The following IRAK2 variants were observed in gnomAD, a reference collection of about 807,000 sequenced individuals.
The protein encoded by IRAK2 is interleukin-1 receptor-associated kinase-like 2.
A neutral mutation model predicts 72.0 loss-of-function variants in IRAK2; 57 were observed. That is an observed-to-expected ratio of 0.79 (90% CI 0.64 to 0.99). The LOEUF is 0.99. IRAK2 is among the 50% of genes least tolerant of loss of function. The probability of loss-of-function intolerance (pLI) is 0.00; values close to 1 mark genes in which losing one functional copy is unlikely to be tolerated. For missense variants in IRAK2, 790 were observed against 794.4 expected, an observed-to-expected ratio of 0.99 and a Z score of 0.07; for synonymous variants, 293 against 312.7, an observed-to-expected ratio of 0.94 and a Z score of 0.67.
At chr3:10,165,512 T>A (rs765386092) in intron 1 of IRAK2, among the ~76,000 whole-genome samples, 22 of 151,958 alleles carry the variant, frequency 1.4e-4, no homozygotes, top group Non-Finnish European at 2.1e-4. Flanking sequence ...ATATATATAT[T>A]GAAACGGAGT....
Position 10,213,503 on chromosome 3 carries a change from G to T in IRAK2, c.743G>T (p.Gly248Val), listed in dbSNP as rs1394901675. The change falls in exon 6 of 13, where the codon GGA becomes GTA. Residue 248 changes from glycine to valine, a missense_variant. Physicochemically the swap from Gly to Val is moderately radical, Grantham distance 109 (BLOSUM62 -3). Transcript: ENST00000256458. The part of the protein sequence containing the change: ...KLRETACSSP[G>V]SIERFFQAEL... ...CTACAGACAGCCTGTTCAAGTCCAGGATCAATCGAAAGATTCTTCCAGGCA... is the reference window on the plus strand; with the variant it reads ...CTACAGACAGCCTGTTCAAGTCCAGTATCAATCGAAAGATTCTTCCAGGCA... 6.2e-7 allele frequency: 1 copy of T among 1,613,982 alleles called. No individual in the cohort carries two copies. The highest frequency in any genetic ancestry group is 1.3e-5 in the African/African-American group (1 of 74,882).
chr3:10,168,749 C>A (rs1185529693), intron 1 of IRAK2, among the ~76,000 whole-genome samples: 1 of 152,200 alleles, frequency 6.6e-6, no homozygotes, highest in African/African-American at 2.4e-5. Context: ...GCCTCTCTGA[C>A]CTCCTCTTCT....
At chr3:10,226,499 A>G in intron 10 of IRAK2, 66 bp downstream of exon 10, 1 of 1,304,324 alleles carries the variant, frequency 7.7e-7, no homozygotes, top group Non-Finnish European at 1.1e-6. Flanking sequence ...AGAGAGGGCA[A>G]CGACCTCAAT....
Position 10,209,603 on chromosome 3 carries a change from A to G in IRAK2, c.439A>G (p.Arg147Gly), listed in dbSNP as rs1169742342. ...TFPGPGSSPA[R>G]AHQPAFLQPP... Reference sequence around the variant, plus strand: ...CTCCTTTCCAGGGTCCTCTCCAGCCAGAGCCCACCAGCCGGCCTTTCTCCA... The same window carrying G: ...CTCCTTTCCAGGGTCCTCTCCAGCCGGAGCCCACCAGCCGGCCTTTCTCCA... The change falls in exon 4 of 13, where the codon AGA (arginine) becomes GGA (glycine). Residue 147 changes from arginine (R) to glycine (G), a missense_variant. By Grantham distance (125) the Arg-to-Gly change is moderately radical. Coordinates refer to ENST00000256458, the MANE Select transcript of IRAK2 (RefSeq NM_001570.4). 6.4e-6 allele frequency: 10 copies of G among 1,562,776 alleles called. No individual in the cohort carries two copies. Among genetic ancestry groups the G allele is most frequent in the Admixed American group, 4.0e-5 (2 of 49,738 alleles).
chr3:10,175,347 G>A (rs932598781), intron 1 of IRAK2, among the ~76,000 whole-genome samples: 5 of 151,808 alleles, frequency 3.3e-5, no homozygotes, highest in Admixed American at 6.6e-5. Flanking sequence ...GGCTAGTATC[G>A]AACTCCTGAC....
At chr3:10,218,431 A>C (rs538304623) in intron 7 of IRAK2, among the ~76,000 whole-genome samples, 43 of 130,228 alleles carry the variant, frequency 3.3e-4, no homozygotes, top group African/African-American at 1.2e-3. Flanking sequence ...CTCAAAAAAA[A>C]AAAAAAAAAA....
chr3:10,232,091 C>A (rs886743127), intron 10 of IRAK2, among the ~76,000 whole-genome samples: 2 of 152,182 alleles, frequency 1.3e-5, no homozygotes, highest in Non-Finnish European at 2.9e-5. Context: ...CGTGCCACTG[C>A]ACTACAGCCT....
chr3:10,224,192 C>T (rs779379925), intron 9 of IRAK2, among the ~76,000 whole-genome samples: 2 of 152,056 alleles, frequency 1.3e-5, no homozygotes, highest in Non-Finnish European at 2.9e-5. Context: ...CAAAAATTAG[C>T]TGAGTGTGGT....
chr3:10,192,062 T>TG (rs1697184267), intron 2 of IRAK2, among the ~76,000 whole-genome samples: 2 of 107,372 alleles, frequency 1.9e-5, no homozygotes, highest in African/African-American at 7.9e-5. Context: ...GTGTGTGTGT[T>TG]GTGTGTTGTG....
chr3:10,216,845 G>A, intron 6 of IRAK2, 89 bp from the exon 7 acceptor site: 3 of 955,766 alleles, frequency 3.1e-6, no homozygotes, highest in African/African-American at 3.2e-5. Flanking sequence ...GGCGTTGGAG[G>A]AGGAGAGGGC....
Position 10,213,487 on chromosome 3 carries a change from G to C in IRAK2, c.727G>C (p.Ala243Pro). 1 of 1,613,934 alleles carries C rather than the reference G, an allele frequency of 6.2e-7. No individual in the cohort carries two copies. The change falls in exon 6 of 13, where the codon GCC becomes CCC. Residue 243 changes from alanine to proline, a missense_variant. Transcript: ENST00000256458. ...GTTCTGATGTCTTTCTCTACAGACA[G>C]CCTGTTCAAGTCCAGGATCAATCGA... is the stretch of plus-strand genomic sequence containing the variant. The part of the protein sequence containing the change: ...PFVFKKLRET[A>P]CSSPGSIERF...
At chr3:10,210,587 T>TA (rs1370605233) in intron 4 of IRAK2, among the ~76,000 whole-genome samples, 1 of 152,082 alleles carries the variant, frequency 6.6e-6, no homozygotes, top group Non-Finnish European at 1.5e-5. Context: ...TGAGTGTGGT[T>TA]AATGAAGCTC....
intron 2 of IRAK2, among the ~76,000 whole-genome samples, chr3:10,192,122 G>A (rs1023193727): frequency 3.3e-5 from 5 of 152,064 alleles, no homozygotes; most frequent in African/African-American, 1.2e-4. Flanking sequence ...AGGAGGGAAA[G>A]GAAAAGAGAG....
intron 10 of IRAK2, among the ~76,000 whole-genome samples, chr3:10,230,712 GC>G (rs1697846425): frequency 1.3e-5 from 2 of 151,952 alleles, no homozygotes; most frequent in African/African-American, 4.8e-5. Context: ...GGGACCACAG[GC>G]ACGTGCCGCC....
chr3:10,209,412 T>A (rs1177045653), intron 3 of IRAK2, among the ~76,000 whole-genome samples, 177 bp from the exon 4 acceptor site: 1 of 152,182 alleles, frequency 6.6e-6, no homozygotes, highest in African/African-American at 2.4e-5. Context: ...AGTCAGAGGC[T>A]TATCCTGAGG....
In IRAK2 at chr3:10,177,915, C is replaced by T. The variant is rs752591902; in HGVS notation, c.172C>T (p.Arg58Trp). ...GCGGGTGCAGGGTGTGAGCATCACG[C>T]GGGAGCTGCTGTGGTGGTGGGGCAT... ...MERVQGVSITRELLWWWGMRQ... is the reference protein window; with the variant it reads ...MERVQGVSITWELLWWWGMRQ... Residue 58 changes from arginine (R) to tryptophan (W), a missense_variant, in exon 2 of 13, where the codon CGG becomes TGG. By Grantham distance (101) the Arg-to-Trp change is moderately radical (BLOSUM62 -3). Coordinates refer to ENST00000256458, the MANE Select transcript of IRAK2 (RefSeq NM_001570.4). 16 of 1,613,876 alleles carry T rather than the reference C, an allele frequency of 9.9e-6. No individual in the cohort carries two copies. The highest frequency in any genetic ancestry group is 4.5e-5 in the East Asian group (2 of 44,858).
intron 2 of IRAK2, among the ~76,000 whole-genome samples, chr3:10,183,316 G>T (rs1696992304): frequency 6.6e-6 from 1 of 152,186 alleles, no homozygotes; most frequent in Admixed American, 6.5e-5. Flanking sequence ...TGGCTGCCTG[G>T]TCTGAATGGG....
intron 1 of IRAK2, among the ~76,000 whole-genome samples, chr3:10,165,581 C>T (rs1696670555): frequency 6.6e-6 from 1 of 152,052 alleles, no homozygotes; most frequent in Non-Finnish European, 1.5e-5. Flanking sequence ...CTGCAACCTC[C>T]ACCTCTGGGA....
At position 10,215,198 on chromosome 3, in the gene IRAK2, C is replaced by A. The variant is rs1468110550; in HGVS notation, c.788+1650C>A. Among the ~76,000 whole-genome samples, 19 of 151,692 alleles carry A rather than the reference C, an allele frequency of 1.3e-4. 1 individual carries two copies. The highest frequency in any genetic ancestry group is 9.9e-4 in the Admixed American group (15 of 15,218). ...GGTCAGGAGTTTGAGACCAGCCTGG[C>A]CAACATGGCGAAACCTCATCTCTAC... is the stretch of plus-strand genomic sequence containing the variant. On this transcript the variant is annotated intron_variant, in intron 6 of 12. Coordinates refer to ENST00000256458, the MANE Select transcript of IRAK2 (RefSeq NM_001570.4).
Sources: allele counts gnomAD v4.1 joint callset (sites outside exome capture counted in the v4.1 genomes callset), GRCh38; gene constraint gnomAD v4.1.1; transcripts MANE v1.5; gene names NCBI Gene and HGNC (gene_info 2026-07-23, HGNC 2026-07-21).